KALRN: variants seen among roughly 807,000 people sequenced by gnomAD.
KALRN encodes the protein kalirin.
In KALRN, 70 loss-of-function variants were observed where a neutral mutation model predicts 353.7. That is an observed-to-expected ratio of 0.20 (90% CI 0.16 to 0.24). KALRN has a LOEUF of 0.24. Ranked by LOEUF, KALRN falls within the 10% of genes least tolerant of loss-of-function variation. The pLI is 1.00. For synonymous variants in KALRN, 1,391 were observed against 1,434.8 expected, an observed-to-expected ratio of 0.97 and a Z score of 0.69; for missense variants, 2,791 against 3,756.7, an observed-to-expected ratio of 0.74 and a Z score of 6.72.
intron 44 of KALRN, 126 bp from the exon 45 acceptor site, chr3:124,661,725 C>T (rs556690925): frequency 6.5e-6 from 5 of 766,128 alleles, no homozygotes; most frequent in Non-Finnish European, 1.2e-5. Flanking sequence ...CAGCCAGAAC[C>T]AGCATCCCTT....
intron 3 of KALRN, among the ~76,000 whole-genome samples, chr3:124,254,768 A>G (rs2071688006): frequency 6.6e-6 from 1 of 152,258 alleles, no homozygotes; most frequent in South Asian, 2.1e-4. Flanking sequence ...CAGCTGGAAG[A>G]TTTGAGGTCC....
chr3:124,489,471 G>C (rs368677081), intron 29 of KALRN, among the ~76,000 whole-genome samples: 1 of 151,980 alleles, frequency 6.6e-6, no homozygotes, highest in African/African-American at 2.4e-5. Context: ...GACTTGATAC[G>C]GTCTCCATAC....
At chr3:124,152,568 TTTTCTTTTCTTTC>T (rs1310273111) in intron 1 of KALRN, 4 of 625,514 alleles carry the variant, frequency 6.4e-6, no homozygotes, top group South Asian at 5.3e-5. Flanking sequence ...TTTTCTTTTC[TTTTCTTTTCTTTC>T]TTTCTTTCTT....
intron 1 of KALRN, among the ~76,000 whole-genome samples, chr3:124,160,049 ATG>A (rs1212940718): frequency 2.0e-5 from 3 of 151,934 alleles, no homozygotes; most frequent in East Asian, 3.9e-4. Flanking sequence ...AGTTGAATAA[ATG>A]TCCCTTGAAA....
chr3:124,531,625 G>C (rs1414328768), intron 33 of KALRN, among the ~76,000 whole-genome samples: 1 of 152,168 alleles, frequency 6.6e-6, no homozygotes, highest in Non-Finnish European at 1.5e-5. Context: ...GCAGGAACAG[G>C]AGCAAGAGAG....
rs555638991 is a variant in KALRN, at chr3:124,123,013, C to T, written c.73+89200C>T. On this transcript the variant is annotated intron_variant, in intron 1 of 59. Coordinates refer to ENST00000682506, the MANE Select transcript of KALRN (RefSeq NM_001388419.1). The stretch of plus-strand genomic sequence containing the variant: ...ATCAGGAGTTTGAGACCAGCCTGAC[C>T]AACATGATGAAACCCAGTCTCTACA... Among the ~76,000 whole-genome samples the T allele has an allele frequency of 1.2e-4, 18 of 152,124 alleles. No homozygotes were observed. In the South Asian group the frequency reaches 3.7e-3, roughly 32 times the overall value.
chr3:124,487,041 T>G (rs970080813), intron 28 of KALRN, among the ~76,000 whole-genome samples: 5 of 152,192 alleles, frequency 3.3e-5, no homozygotes, highest in Non-Finnish European at 5.9e-5. Flanking sequence ...GTTTACAAGA[T>G]TTGATCTGGT....
chr3:124,524,325 T>C (rs565247652), intron 33 of KALRN, among the ~76,000 whole-genome samples: 1 of 152,188 alleles, frequency 6.6e-6, no homozygotes, highest in African/African-American at 2.4e-5. Context: ...TAGTCTGCGA[T>C]TCTGAGTACA....
chr3:124,533,657 C>T (rs1206627430), intron 33 of KALRN, among the ~76,000 whole-genome samples: 1 of 151,978 alleles, frequency 6.6e-6, no homozygotes, highest in Non-Finnish European at 1.5e-5. Flanking sequence ...TCAAAAAAAC[C>T]AAAAACAAAT....
intron 1 of KALRN, among the ~76,000 whole-genome samples, chr3:124,227,252 G>A (rs1328068416): frequency 2.0e-5 from 3 of 152,150 alleles, no homozygotes; most frequent in Non-Finnish European, 4.4e-5. Context: ...CTTTCTAAAT[G>A]AGAAGCAAGA....
intron 8 of KALRN, 121 bp downstream of exon 8, chr3:124,330,113 T>C: frequency 9.0e-7 from 1 of 1,115,858 alleles, no homozygotes; most frequent in Non-Finnish European, 1.2e-6. Context: ...AGGCTGTTTT[T>C]CTTTTTTTTT....
At chr3:124,607,727 C>G (rs565241969) in intron 34 of KALRN, among the ~76,000 whole-genome samples, 180 of 152,184 alleles carry the variant, frequency 1.2e-3, no homozygotes, top group African/African-American at 4.1e-3. Context: ...AGTGATTCTC[C>G]TGCCTCAGCC....
At chr3:124,278,301 G>A (rs1272745733) in intron 5 of KALRN, among the ~76,000 whole-genome samples, 1 of 152,118 alleles carries the variant, frequency 6.6e-6, no homozygotes, top group East Asian at 1.9e-4. Flanking sequence ...CTTTCTGGGT[G>A]GGGTAGGGCT....
At chr3:124,601,484 A>G (rs1424822031) in intron 34 of KALRN, among the ~76,000 whole-genome samples, 4 of 152,202 alleles carry the variant, frequency 2.6e-5, no homozygotes, top group Non-Finnish European at 4.4e-5. Flanking sequence ...GTTCAAAACA[A>G]GTTGCTGATC....
At chr3:124,396,825 C>T (rs1027086247) in intron 12 of KALRN, among the ~76,000 whole-genome samples, 7 of 152,170 alleles carry the variant, frequency 4.6e-5, no homozygotes, top group African/African-American at 7.2e-5. Context: ...CAGAGAGTAC[C>T]GTAGGCATAT....
chr3:124,136,074 T>C (rs1560045809), intron 1 of KALRN, among the ~76,000 whole-genome samples: 1 of 152,156 alleles, frequency 6.6e-6, no homozygotes, highest in South Asian at 2.1e-4. Flanking sequence ...TTGTGATGAC[T>C]TCCCCACACC....
chr3:124,077,521 C>A (rs191894375), intron 1 of KALRN, among the ~76,000 whole-genome samples: 1 of 152,248 alleles, frequency 6.6e-6, no homozygotes, highest in Non-Finnish European at 1.5e-5. Flanking sequence ...ACTTCCAAAT[C>A]CGCATCCTTC....
In KALRN at chr3:124,633,999, G is replaced by A. The variant is rs116291853; in HGVS notation, c.5568+46G>A. The stretch of plus-strand genomic sequence containing the variant: ...CACTTAAAAGAGCAACGTGCCGTGC[G>A]TGATTTTGTTTTTTGTGTGTGATGG... On this transcript the variant is annotated intron_variant, in intron 36 of 59. Coordinates refer to ENST00000682506, the MANE Select transcript of KALRN (RefSeq NM_001388419.1). 1.8e-3 allele frequency: 2,710 copies of A among 1,504,750 alleles called. 26 individuals are homozygous for A. In the African/African-American group the frequency reaches 0.025, roughly 14 times the overall value. 93.2% of individuals were successfully genotyped at this position (1,504,750 alleles called of 1,614,324 possible).
chr3:124,474,550 A>T, intron 25 of KALRN, 113 bp from the exon 26 acceptor site: 1 of 794,894 alleles, frequency 1.3e-6, no homozygotes, highest in Non-Finnish European at 2.2e-6. Context: ...CTTAGACAGT[A>T]GAGAAGCCAT....
Sources: allele counts gnomAD v4.1 joint callset (sites outside exome capture counted in the v4.1 genomes callset), GRCh38; gene constraint gnomAD v4.1.1; transcripts MANE v1.5; gene names NCBI Gene and HGNC (gene_info 2026-07-23, HGNC 2026-07-21).